TMTC2: variants seen among roughly 807,000 people sequenced by gnomAD.
TMTC2 encodes the protein protein O-mannosyl-transferase TMTC2.
TMTC2 carries 43 observed loss-of-function variants against 82.4 expected under a neutral mutation model. That is an observed-to-expected ratio of 0.52 (90% CI 0.41 to 0.67). The LOEUF (loss-of-function observed/expected upper bound fraction) is 0.67. Among genes scored for constraint, TMTC2 ranks in the 30% least tolerant of loss-of-function variants. TMTC2 has a pLI of 0.00. For missense variants in TMTC2, 919 were observed against 1,012.4 expected (o/e 0.91, Z 1.25); for synonymous variants, 408 against 381.9 (o/e 1.07, Z -0.80).
intron 1 of TMTC2, among the ~76,000 whole-genome samples, chr12:82,805,497 C>CTTTTTT (rs753878105): frequency 5.5e-5 from 5 of 90,580 alleles, no homozygotes; most frequent in Non-Finnish European, 6.1e-5. Context: ...CCTCTCCCCA[C>CTTTTTT]TTTTTTTTTT....
chr12:82,833,838 C>A (rs555406665), intron 1 of TMTC2, among the ~76,000 whole-genome samples: 231 of 152,262 alleles, frequency 1.5e-3, no homozygotes, highest in South Asian at 3.1e-3. Flanking sequence ...AATGTTTTTC[C>A]ATGGTCTTCT....
chr12:83,039,809 T>G (rs991613777), intron 9 of TMTC2, among the ~76,000 whole-genome samples: 2 of 152,216 alleles, frequency 1.3e-5, no homozygotes, highest in Non-Finnish European at 2.9e-5. Flanking sequence ...CCACAAAGTT[T>G]TATTATAGCT....
chr12:82,987,656 T>A (rs1214949196), intron 8 of TMTC2, among the ~76,000 whole-genome samples: 2 of 152,130 alleles, frequency 1.3e-5, no homozygotes, highest in Non-Finnish European at 2.9e-5. Context: ...GATTATTTAC[T>A]GATTGTGGAA....
At chr12:83,013,046 GAGTTTTGCTGT>G (rs1880530592) in intron 8 of TMTC2, among the ~76,000 whole-genome samples, 2 of 152,198 alleles carry the variant, frequency 1.3e-5, no homozygotes, top group East Asian at 1.9e-4. Context: ...TTTCTTTTTA[GAGTTTTGCTGT>G]AGTTTTGCTG....
chr12:82,925,804 C>CA (rs142329557), intron 3 of TMTC2, among the ~76,000 whole-genome samples: 2,971 of 151,208 alleles, frequency 0.02, 99 homozygotes, highest in East Asian at 0.17. Flanking sequence ...TTCCTTGAGA[C>CA]AAAAAAAATA....
intron 11 of TMTC2, among the ~76,000 whole-genome samples, chr12:83,122,569 T>C (rs1884987012): frequency 6.6e-6 from 1 of 152,052 alleles, no homozygotes; most frequent in Admixed American, 6.6e-5. Context: ...GTCACAATCT[T>C]CTCCCGTAAT....
intron 9 of TMTC2, among the ~76,000 whole-genome samples, chr12:83,048,755 G>A (rs539346284): frequency 4.7e-4 from 71 of 152,246 alleles, no homozygotes; most frequent in African/African-American, 1.7e-3. Flanking sequence ...TGCAACCTCC[G>A]CCTCCCGGGT....
intron 1 of TMTC2, among the ~76,000 whole-genome samples, chr12:82,730,844 A>G (rs1874763227): frequency 6.6e-6 from 1 of 152,192 alleles, no homozygotes; most frequent in South Asian, 2.1e-4. Flanking sequence ...TGTGAGATAC[A>G]ATTTTCTAGA....
At chr12:82,963,113 G>A (rs1878015209) in intron 4 of TMTC2, among the ~76,000 whole-genome samples, 1 of 151,912 alleles carries the variant, frequency 6.6e-6, no homozygotes. Flanking sequence ...AGGATTTAGG[G>A]GTAAATGGGA....
chr12:82,932,123 T>C (rs887800304), intron 4 of TMTC2, among the ~76,000 whole-genome samples: 1 of 152,134 alleles, frequency 6.6e-6, no homozygotes, highest in African/African-American at 2.4e-5. Flanking sequence ...TTGTATTGGC[T>C]AAGTCTAAAG....
intron 4 of TMTC2, among the ~76,000 whole-genome samples, chr12:82,961,316 T>G (rs1029039970): frequency 7.9e-5 from 12 of 151,734 alleles, no homozygotes; most frequent in Non-Finnish European, 1.3e-4. Context: ...AAAATAACAC[T>G]AACAGAACCC....
chr12:83,021,453 G>A (rs1199926492), intron 8 of TMTC2, among the ~76,000 whole-genome samples: 2 of 152,080 alleles, frequency 1.3e-5, no homozygotes, highest in African/African-American at 4.8e-5. Context: ...AAACTAGATG[G>A]GCATAGTGGT....
At chr12:83,078,787 T>C (rs1883371139) in intron 11 of TMTC2, among the ~76,000 whole-genome samples, 1 of 152,196 alleles carries the variant, frequency 6.6e-6, no homozygotes, top group Non-Finnish European at 1.5e-5. Context: ...TAATGATCTA[T>C]ACTGAAATGA....
intron 1 of TMTC2, among the ~76,000 whole-genome samples, chr12:82,735,553 GC>G (rs1875059700): frequency 6.6e-6 from 1 of 151,854 alleles, no homozygotes; most frequent in South Asian, 2.1e-4. Context: ...CACTGTGTTA[GC>G]CAGGATGGTC....
chr12:82,713,882 G>C (rs1371790895), intron 1 of TMTC2, among the ~76,000 whole-genome samples: 1 of 152,214 alleles, frequency 6.6e-6, no homozygotes, highest in Admixed American at 6.5e-5. Flanking sequence ...AACTTTTGTA[G>C]AGTTACAAGC....
Position 82,896,341 on chromosome 12 carries a change from T to C in TMTC2, c.1178T>C (p.Ile393Thr), listed in dbSNP as rs1873683428. ...ACCCAGCTTCCTTCTACGGAGAACA[T>C]TGTTGTTCTGTCTTTATCTTTGTTA... is the stretch of plus-strand genomic sequence containing the variant. Reference protein sequence around the residue: ...QRTQLPSTENIVVLSLSLLII... With the variant: ...QRTQLPSTENTVVLSLSLLII... The change falls in exon 3 of 12, where the codon ATT (isoleucine) becomes ACT (threonine). Residue 393 changes from isoleucine (I) to threonine (T), a missense_variant. Ile to Thr is a moderately conservative substitution (Grantham distance 89, BLOSUM62 -1). Coordinates refer to ENST00000321196, the MANE Select transcript of TMTC2 (RefSeq NM_152588.3). 8 of 1,614,100 alleles carry C rather than the reference T, an allele frequency of 5.0e-6. No homozygotes were observed. The highest frequency in any genetic ancestry group is 5.9e-6 in the Non-Finnish European group (7 of 1,180,016).
intron 1 of TMTC2, among the ~76,000 whole-genome samples, chr12:82,756,466 T>G (rs1876331904): frequency 6.6e-6 from 1 of 152,218 alleles, no homozygotes; most frequent in Non-Finnish European, 1.5e-5. Flanking sequence ...GGGTTTTACC[T>G]TACTGATGTG....
Position 83,132,358 on chromosome 12 carries a change from A to G in TMTC2, c.2480A>G (p.Glu827Gly). Residue 827 changes from glutamate (E) to glycine (G), a missense_variant, in exon 12 of 12, where the codon GAA (glutamate) becomes GGA (glycine). Glu to Gly is a moderately conservative substitution (Grantham distance 98). Coordinates refer to ENST00000321196, the MANE Select transcript of TMTC2 (RefSeq NM_152588.3). ...CTCCGCAAACTGTGGAACATCATGGAAAAACAAGGCTTAAAGACTTCTAAG... is the reference window on the plus strand; with the variant it reads ...CTCCGCAAACTGTGGAACATCATGGGAAAACAAGGCTTAAAGACTTCTAAG... ...SNLRKLWNIM[E>G]KQGLKTSKT 1 of 1,614,072 alleles carries G rather than the reference A, an allele frequency of 6.2e-7. No homozygotes were observed. Among genetic ancestry groups the G allele is most frequent in the Non-Finnish European group, 8.5e-7 (1 of 1,179,978 alleles).
At chr12:82,835,974 C>G (rs1475726731) in intron 1 of TMTC2, among the ~76,000 whole-genome samples, 1 of 152,112 alleles carries the variant, frequency 6.6e-6, no homozygotes, top group East Asian at 1.9e-4. Flanking sequence ...TGAATATCAC[C>G]CCTGGGTATA....
Sources: gnomAD v4.1 joint callset for allele counts (sites outside exome capture counted in the v4.1 genomes callset) on GRCh38, gnomAD v4.1.1 for gene constraint, MANE v1.5 for transcripts, NCBI Gene and HGNC (gene_info 2026-07-23, HGNC 2026-07-21) for gene names.